The following SLC37A1 variants were observed in gnomAD, a reference collection of about 807,000 sequenced individuals.
SLC37A1 encodes the protein solute carrier family 37 member 1.
A neutral mutation model predicts 75.3 loss-of-function variants in SLC37A1; 49 were observed. The observed-to-expected ratio is 0.65, with a 90% CI of 0.52 to 0.83. The LOEUF (loss-of-function observed/expected upper bound fraction) is 0.83, where lower values mean the gene tolerates loss of function less well. SLC37A1 is among the 40% of genes least tolerant of loss of function. The pLI is 0.00. For missense variants in SLC37A1, 566 were observed against 695.0 expected (o/e 0.81, Z 2.09); for synonymous variants, 268 against 292.1 (o/e 0.92, Z 0.84).
At chr21:42,559,333 T>TAAG (rs201033972) in intron 11 of SLC37A1, among the ~76,000 whole-genome samples, 3 of 47,492 alleles carry the variant, frequency 6.3e-5, no homozygotes, top group African/African-American at 3.3e-4. Context: ...ATTTAGAAAT[T>TAAG]CAGGTTCATA....
Position 42,562,151 on chromosome 21 carries a change from T to G in SLC37A1, c.1055T>G (p.Leu352Arg). The change falls in exon 12 of 20, where the codon CTG becomes CGG. Residue 352 changes from leucine to arginine, a missense_variant. By Grantham distance (102) the Leu-to-Arg change is moderately radical. Coordinates refer to ENST00000352133, the MANE Select transcript of SLC37A1 (RefSeq NM_001320537.2). ...VSYTFLFWLP[L>R]YITNVDHLDA... is the part of the protein sequence containing the mutation. ...TATACTTTCCTCTTCTGGCTGCCCC[T>G]GTACATCACGAATGTGGGTGAGTAT... is the stretch of plus-strand genomic sequence containing the variant. The G allele has an allele frequency of 6.2e-7, 1 of 1,614,196 alleles. No individual in the cohort carries two copies. Among genetic ancestry groups the G allele is most frequent in the Non-Finnish European group, 8.5e-7 (1 of 1,180,030 alleles).
At chr21:42,554,985 T>G (rs1324411348) in intron 10 of SLC37A1, among the ~76,000 whole-genome samples, 9,400 of 142,392 alleles carry the variant, frequency 0.066, 1,066 homozygotes, top group African/African-American at 0.24. Flanking sequence ...GTTGGTTGTT[T>G]TTTTTTTTTT....
intron 2 of SLC37A1, among the ~76,000 whole-genome samples, chr21:42,506,952 A>C (rs1045196436): frequency 6.6e-6 from 1 of 152,092 alleles, no homozygotes; most frequent in Non-Finnish European, 1.5e-5. Flanking sequence ...GTGCGATCTC[A>C]GCTCACTGCC....
Position 42,568,962 on chromosome 21 carries a change from C to T in SLC37A1, c.1423+524C>T, listed in dbSNP as rs973013772. On this transcript the variant is annotated intron_variant, in intron 17 of 19. Transcript: ENST00000352133. ...CTCGCCCATGTGCAGCCTGACGGCACGGCTGTGGCCTTCCCTGAGCCCTTG... is the reference window on the plus strand; with the variant it reads ...CTCGCCCATGTGCAGCCTGACGGCATGGCTGTGGCCTTCCCTGAGCCCTTG... Among the ~76,000 whole-genome samples the T allele has an allele frequency of 5.3e-5, 8 of 152,254 alleles. No homozygotes were observed. The South Asian group carries it at 6.2e-4, about 12-fold the overall frequency.
chr21:42,541,658 AC>A (rs2055286166), intron 6 of SLC37A1, among the ~76,000 whole-genome samples: 1 of 152,254 alleles, frequency 6.6e-6, no homozygotes, highest in Non-Finnish European at 1.5e-5. Context: ...GGTAAGGGAA[AC>A]ATGCAATTCA....
chr21:42,579,225 G>A (rs2147079703), intron 18 of SLC37A1, among the ~76,000 whole-genome samples: 1 of 152,314 alleles, frequency 6.6e-6, no homozygotes, highest in African/African-American at 2.4e-5. Context: ...GCCTCCAAGG[G>A]GCTCCCAGTG....
chr21:42,542,795 A>G (rs1443159378), intron 7 of SLC37A1, among the ~76,000 whole-genome samples: 4 of 152,270 alleles, frequency 2.6e-5, no homozygotes, highest in Admixed American at 6.5e-5. Context: ...AGCCAAAGCT[A>G]CATGTTAACA....
intron 18 of SLC37A1, among the ~76,000 whole-genome samples, chr21:42,577,793 G>T (rs1016390193): frequency 4.6e-5 from 7 of 152,152 alleles, no homozygotes; most frequent in Non-Finnish European, 7.4e-5. Flanking sequence ...TACAGGCACT[G>T]GTTATTTACA....
rs1359318411 is a variant in SLC37A1 at position 42,508,159 on chromosome 21, C to T, written c.-179+5742C>T. Among the ~76,000 whole-genome samples the T allele has an allele frequency of 3.0e-5, 4 of 132,044 alleles. No homozygotes were observed. In the South Asian group the frequency reaches 7.6e-4, roughly 25 times the overall value. The allele number at this position is 132,044 out of a possible 152,430, so 86.6% of individuals were successfully genotyped here. A position where few individuals can be genotyped will look rare whatever the true frequency, so the allele number is the denominator to read the frequency against. On this transcript the variant is annotated intron_variant, in intron 2 of 20. Coordinates refer to the SLC37A1 transcript ENST00000398341. ...TTTTTTTTTTTTTGAGGCGGAGTCT[C>T]GCTCTGTTGCCCAGGCTGGAGTGCA... is the stretch of plus-strand genomic sequence containing the variant.
intron 3 of SLC37A1, among the ~76,000 whole-genome samples, chr21:42,528,672 A>C (rs1311757004): frequency 6.6e-6 from 1 of 151,982 alleles, no homozygotes; most frequent in Non-Finnish European, 1.5e-5. Flanking sequence ...CTAAAAATAC[A>C]AAAAAAATTA....
intron 16 of SLC37A1, 106 bp from the exon 17 acceptor site, chr21:42,568,254 C>T (rs1198497839): frequency 2.9e-5 from 25 of 859,806 alleles, no homozygotes; most frequent in South Asian, 1.7e-4. Flanking sequence ...AACACCCTCA[C>T]GATGAGTTGT....
intron 13 of SLC37A1, among the ~76,000 whole-genome samples, chr21:42,564,101 G>A (rs1486344370): frequency 6.6e-6 from 1 of 151,864 alleles, no homozygotes; most frequent in African/African-American, 2.4e-5. Flanking sequence ...GAAATAGCAT[G>A]CCAGCTGGAC....
At chr21:42,562,890 A>G (rs963139787) in intron 12 of SLC37A1, among the ~76,000 whole-genome samples, 4 of 152,144 alleles carry the variant, frequency 2.6e-5, no homozygotes, top group African/African-American at 9.7e-5. Context: ...GAATCCGGCA[A>G]TGTCTCAAAG....
chr21:42,564,690 C>A lies in SLC37A1; in HGVS notation c.1136-18C>A. 1 of 1,607,626 alleles carries A rather than the reference C, an allele frequency of 6.2e-7. No individual in the cohort carries two copies. The highest frequency in any genetic ancestry group is 8.5e-7 in the Non-Finnish European group (1 of 1,177,426). ...TGCCCTGGGACGTCAGTGCCTGAAG[C>A]CCGCCTCTCCGTTGCAGGTGGGATC... On this transcript the variant is annotated intron_variant, in intron 13 of 19. Transcript: ENST00000352133.
chr21:42,575,217 C>T (rs62213023), intron 18 of SLC37A1: 34,943 of 983,708 alleles, frequency 0.036, 698 homozygotes, highest in Non-Finnish European at 0.039. Context: ...GGGCAGGTTT[C>T]GTAACCTCTG....
intron 18 of SLC37A1, chr21:42,575,335 A>T (rs1379203479): frequency 1.0e-5 from 10 of 985,380 alleles, no homozygotes; most frequent in Non-Finnish European, 1.2e-5. Flanking sequence ...CCCAGTGGTC[A>T]TCAGTGTCCT....
chr21:42,540,934 G>C (rs560473418), intron 6 of SLC37A1, among the ~76,000 whole-genome samples: 5 of 152,320 alleles, frequency 3.3e-5, no homozygotes, highest in African/African-American at 9.6e-5. Flanking sequence ...GCCCAGCCCG[G>C]TCAGCCCAGA....
At chr21:42,575,314 G>C in intron 18 of SLC37A1, 1 of 985,486 alleles carries the variant, frequency 1.0e-6, no homozygotes, top group Non-Finnish European at 1.2e-6. Context: ...ATGATACACA[G>C]AGCCTGGCCT....
intron 2 of SLC37A1, among the ~76,000 whole-genome samples, chr21:42,504,571 A>T (rs1222460195): frequency 6.6e-6 from 1 of 152,222 alleles, no homozygotes; most frequent in Non-Finnish European, 1.5e-5. Context: ...AAAGGGAGAA[A>T]AAGGACCCAG....
Sources: allele counts gnomAD v4.1 joint callset (sites outside exome capture counted in the v4.1 genomes callset), GRCh38; gene constraint gnomAD v4.1.1; transcripts MANE v1.5; gene names NCBI Gene and HGNC (gene_info 2026-07-23, HGNC 2026-07-21).